CCDC150: variants seen among roughly 807,000 people sequenced by gnomAD.
CCDC150 encodes coiled-coil domain containing 150.
A neutral mutation model predicts 156.5 loss-of-function variants in CCDC150; 151 were observed. The ratio of observed to expected loss-of-function variants is 0.97; its 90% CI spans 0.85 to 1.10. CCDC150 has a LOEUF of 1.10. Ranked by LOEUF, CCDC150 falls within the 50% of genes least tolerant of loss-of-function variation. CCDC150 has a pLI of 0.00. For missense variants in CCDC150, 1,312 were observed against 1,268.1 expected, an observed-to-expected ratio of 1.03 and a Z score of -0.53; for synonymous variants, 452 against 429.4, an observed-to-expected ratio of 1.05 and a Z score of -0.65.
Position 196,729,945 on chromosome 2 carries a change from G to A in CCDC150, c.2821-12G>A, listed in dbSNP as rs1310331838. On this transcript the variant is annotated splice_polypyrimidine_tract_variant and intron_variant, in intron 24 of 27. Coordinates refer to ENST00000389175, the MANE Select transcript of CCDC150 (RefSeq NM_001080539.2). ...GTGTTCACCAAATGTCTCTGTCTTT[G>A]TATCCTTCCAGTCTTTGAGTATCCA... The A allele has an allele frequency of 6.2e-7, 1 of 1,610,410 alleles. No individual in the cohort carries two copies. Among genetic ancestry groups the A allele is most frequent in the East Asian group, 2.2e-5 (1 of 44,878 alleles).
At chr2:196,644,993 A>G (rs553436989) in intron 1 of CCDC150, among the ~76,000 whole-genome samples, 3 of 151,478 alleles carry the variant, frequency 2.0e-5, no homozygotes, top group South Asian at 4.2e-4. Flanking sequence ...GCATGGTGGC[A>G]CATAACTGTA....
chr2:196,713,025 G>C, intron 17 of CCDC150: 1 of 468,686 alleles, frequency 2.1e-6, no homozygotes, highest in Admixed American at 3.7e-5. Flanking sequence ...TATACCCCTG[G>C]TAACCAAGGA....
chr2:196,686,954 G>T (rs1207074273), intron 13 of CCDC150, among the ~76,000 whole-genome samples: 1 of 152,078 alleles, frequency 6.6e-6, no homozygotes, highest in Non-Finnish European at 1.5e-5. Context: ...CTTTTTTATG[G>T]CTGCATAGTA....
At position 196,671,546 on chromosome 2, in the gene CCDC150, G is replaced by A. The variant is rs530040452; in HGVS notation, c.937-799G>A. ...GGGTTCAAGCGATTCTCCTGTCTCAGCCTCCCGAGTAGTTGGGATTACAAG... is the reference window on the plus strand; with the variant it reads ...GGGTTCAAGCGATTCTCCTGTCTCAACCTCCCGAGTAGTTGGGATTACAAG... On this transcript the variant is annotated intron_variant, in intron 8 of 27. Transcript: ENST00000389175. Among the ~76,000 whole-genome samples, 8 of 147,790 alleles carry A rather than the reference G, an allele frequency of 5.4e-5. No homozygotes were observed. In the East Asian group the frequency reaches 1.7e-3, roughly 31 times the overall value.
intron 6 of CCDC150, 55 bp downstream of exon 6, chr2:196,665,738 G>T: frequency 1.9e-6 from 2 of 1,032,430 alleles, no homozygotes; most frequent in South Asian, 1.7e-5. Context: ...AACAAAAACT[G>T]ATATTTTACC....
intron 25 of CCDC150, 136 bp from the exon 26 acceptor site, chr2:196,730,721 CAT>C: frequency 1.6e-6 from 1 of 639,996 alleles, no homozygotes; most frequent in Non-Finnish European, 2.8e-6. Context: ...GTTTTTATCT[CAT>C]ATGTCAGTAG....
chr2:196,698,140 A>G (rs984747837), intron 14 of CCDC150, among the ~76,000 whole-genome samples: 2 of 152,148 alleles, frequency 1.3e-5, no homozygotes, highest in Non-Finnish European at 2.9e-5. Context: ...GTGGTTTCTA[A>G]TTTCTTGTCT....
intron 15 of CCDC150, among the ~76,000 whole-genome samples, chr2:196,704,724 C>T (rs183911557): frequency 1.0e-3 from 155 of 152,190 alleles, no homozygotes; most frequent in African/African-American, 3.4e-3. Flanking sequence ...CGACAGGCCC[C>T]GGGGTGTGAT....
intron 14 of CCDC150, among the ~76,000 whole-genome samples, chr2:196,695,840 A>G (rs543471917): frequency 2.0e-5 from 3 of 152,216 alleles, no homozygotes; most frequent in African/African-American, 7.2e-5. Context: ...TTCTCCAAGT[A>G]AAGGGGATTT....
chr2:196,692,489 G>T (rs1695550283), intron 13 of CCDC150, among the ~76,000 whole-genome samples: 1 of 152,206 alleles, frequency 6.6e-6, no homozygotes, highest in Non-Finnish European at 1.5e-5. Context: ...TCTTCATAGT[G>T]CCTTAGCAGT....
At chr2:196,648,539 C>T (rs1692679060) in intron 2 of CCDC150, among the ~76,000 whole-genome samples, 2 of 151,984 alleles carry the variant, frequency 1.3e-5, no homozygotes, top group African/African-American at 4.8e-5. Context: ...AATATTAGTC[C>T]TTTATCAGAT....
At chr2:196,716,145 A>G (rs1199431703) in intron 17 of CCDC150, among the ~76,000 whole-genome samples, 1 of 152,238 alleles carries the variant, frequency 6.6e-6, no homozygotes, top group East Asian at 1.9e-4. Context: ...ATAAAATCAC[A>G]GTGAGATACT....
Position 196,732,641 on chromosome 2 carries a change from T to TA in CCDC150, c.*79_*80insA. On this transcript the variant is annotated 3_prime_UTR_variant, in exon 28 of 28. Transcript: ENST00000389175. ...GCCCAGCAGCCGGGGCTGGCCTGTT[T>TA]CTAGAGTCATAAGAACATGAAGTCT... 1.1e-6 allele frequency: 1 copy of TA among 926,890 alleles called. No homozygotes were observed. Among genetic ancestry groups the TA allele is most frequent in the Non-Finnish European group, 1.7e-6 (1 of 571,610 alleles). 57.4% of individuals were successfully genotyped at this position (926,890 alleles called of 1,614,324 possible).
chr2:196,712,487 A>G, intron 16 of CCDC150, 190 bp from the exon 17 acceptor site: 1 of 592,604 alleles, frequency 1.7e-6, no homozygotes, highest in Admixed American at 3.1e-5. Context: ...TATTATAGTT[A>G]GGAAATGTAC....
intron 2 of CCDC150, among the ~76,000 whole-genome samples, chr2:196,655,641 T>C (rs1284337640): frequency 6.6e-6 from 1 of 152,182 alleles, no homozygotes; most frequent in Non-Finnish European, 1.5e-5. Context: ...TCTGCACTGC[T>C]TCCAAGAGGT....
At position 196,719,587 on chromosome 2, in the gene CCDC150, A is replaced by T; in HGVS notation, c.2086A>T (p.Lys696Ter). Residue 696 changes from lysine to a stop codon, truncating the protein, a stop_gained, in exon 19 of 28, where the codon AAG becomes TAG. Coordinates refer to ENST00000389175, the MANE Select transcript of CCDC150 (RefSeq NM_001080539.2). LOFTEE classifies it high-confidence loss of function. ...GGAGAATGTGCTGGCTTCTCACAGT[A>T]AGATGCAAGGTGCTCTGGAGAAAGT... ...MLENVLASHS[K>*]MQGALEKVQI... 1 of 1,613,604 alleles carries T rather than the reference A, an allele frequency of 6.2e-7. No individual in the cohort carries two copies. Among genetic ancestry groups the T allele is most frequent in the African/African-American group, 1.3e-5 (1 of 75,046 alleles).
chr2:196,732,238 A>T (rs1199814195), intron 27 of CCDC150, 86 bp downstream of exon 27: 1 of 1,440,884 alleles, frequency 6.9e-7, no homozygotes, highest in Non-Finnish European at 9.7e-7. Flanking sequence ...CATCATCTCG[A>T]TACTCTCTCT....
At chr2:196,718,950 GT>G (rs143843161) in intron 18 of CCDC150, among the ~76,000 whole-genome samples, 21,406 of 151,972 alleles carry the variant, frequency 0.14, 1,898 homozygotes, top group Non-Finnish European at 0.19. Flanking sequence ...TTAATGTGGT[GT>G]AAGATTTCTA....
chr2:196,703,139 A>T (rs1696352898), intron 15 of CCDC150, among the ~76,000 whole-genome samples: 1 of 152,206 alleles, frequency 6.6e-6, no homozygotes, highest in African/African-American at 2.4e-5. Flanking sequence ...GTCAAACCAC[A>T]TCCAAACCAT....
Sources: allele counts gnomAD v4.1 joint callset (sites outside exome capture counted in the v4.1 genomes callset), GRCh38; gene constraint gnomAD v4.1.1; transcripts MANE v1.5; gene names NCBI Gene and HGNC (gene_info 2026-07-23, HGNC 2026-07-21).